IFT122: variants seen among roughly 807,000 people sequenced by gnomAD.
IFT122 encodes intraflagellar transport 122, also known as intraflagellar transport protein 122 homolog.
Under a neutral mutation model 161.6 loss-of-function variants are expected in IFT122, and 118 were observed. The ratio of observed to expected loss-of-function variants is 0.73; its 90% CI spans 0.63 to 0.85. IFT122 has a LOEUF of 0.85. Among genes scored for constraint, IFT122 ranks in the 40% least tolerant of loss-of-function variants. IFT122 has a pLI of 0.00. For synonymous variants in IFT122, 550 were observed against 602.4 expected, an observed-to-expected ratio of 0.91 and a Z score of 1.27; for missense variants, 1,381 against 1,579.6, an observed-to-expected ratio of 0.87 and a Z score of 2.13.
Position 129,467,014 on chromosome 3 carries a change from G to A in IFT122, c.688G>A (p.Ala230Thr), listed in dbSNP as rs201176964. 1.9e-6 allele frequency: 3 copies of A among 1,614,088 alleles called. No homozygotes were observed. Among genetic ancestry groups the A allele is most frequent in the Non-Finnish European group, 2.5e-6 (3 of 1,180,040 alleles). Residue 230 changes from alanine (A) to threonine (T), a missense_variant, in exon 8 of 30, where the codon GCA becomes ACA. Coordinates refer to ENST00000348417, the MANE Select transcript of IFT122 (RefSeq NM_052989.3). ...SAVYSSQGSE[A>T]EEEEPEEEDD... ...AGTGTACAGTAGTCAGGGTAGTGAG[G>A]CAGAGGAGGAAGAACCAGAGGAAGA... is the stretch of plus-strand genomic sequence containing the variant.
At chr3:129,512,446 A>G (rs1413976129) in intron 24 of IFT122, 34 bp downstream of exon 24, 1 of 1,425,556 alleles carries the variant, frequency 7.0e-7, no homozygotes, top group Non-Finnish European at 9.9e-7. Context: ...CCGTCCCACC[A>G]CCGTTCTTGT....
intron 16 of IFT122, among the ~76,000 whole-genome samples, chr3:129,488,866 CTCTGAT>C: frequency 6.6e-6 from 1 of 152,018 alleles, no homozygotes; most frequent in Non-Finnish European, 1.5e-5. Flanking sequence ...TGGTCAAGGT[CTCTGAT>C]TCTGACAGCA....
chr3:129,470,845 C>T (rs1311283818), intron 9 of IFT122, among the ~76,000 whole-genome samples: 5 of 152,192 alleles, frequency 3.3e-5, no homozygotes, highest in African/African-American at 9.6e-5. Flanking sequence ...GCTGGGATTA[C>T]AGGCATGAGC....
intron 6 of IFT122, 55 bp from the exon 7 acceptor site, chr3:129,464,580 A>C: frequency 6.2e-7 from 1 of 1,611,136 alleles, no homozygotes; most frequent in Non-Finnish European, 8.5e-7. Flanking sequence ...CACTAGTTTT[A>C]CCTTCTGTGG....
Position 129,464,733 on chromosome 3 carries a change from C to G in IFT122, c.515C>G (p.Pro172Arg). ...GAGGAGAAAGTAAAGATCGAGCGGC[C>G]GGGGGGCTCCCTCTCGCCAATATGG... ...NGEEKVKIERPGGSLSPIWSI... is the reference protein window; with the variant it reads ...NGEEKVKIERRGGSLSPIWSI... Residue 172 changes from proline (P) to arginine (R), a missense_variant, in exon 7 of 30, where the codon CCG becomes CGG. Physicochemically the swap from Pro to Arg is moderately radical, Grantham distance 103. Transcript: ENST00000348417. The G allele has an allele frequency of 6.2e-7, 1 of 1,613,986 alleles. No individual in the cohort carries two copies. The highest frequency in any genetic ancestry group is 1.1e-5 in the South Asian group (1 of 91,074).
At chr3:129,456,395 T>C in intron 3 of IFT122, 2 of 662,588 alleles carry the variant, frequency 3.0e-6, no homozygotes, top group Non-Finnish European at 4.3e-6. Flanking sequence ...TCTCAGCACT[T>C]TGGGAAGCCA....
intron 10 of IFT122, 25 bp downstream of exon 10, chr3:129,476,531 G>A (rs750099570): frequency 6.2e-7 from 1 of 1,613,992 alleles, no homozygotes; most frequent in South Asian, 1.1e-5. Flanking sequence ...TTTGTTCTGT[G>A]GGGCCATGGC....
At chr3:129,517,095 C>T (rs957341450) in intron 26 of IFT122, among the ~76,000 whole-genome samples, 18 of 143,078 alleles carry the variant, frequency 1.3e-4, no homozygotes, top group Non-Finnish European at 2.4e-4. Flanking sequence ...GAGACTGCCC[C>T]TGCACACAGA....
At chr3:129,492,596 T>C (rs1302958597) in intron 17 of IFT122, among the ~76,000 whole-genome samples, 3 of 152,080 alleles carry the variant, frequency 2.0e-5, no homozygotes, top group African/African-American at 7.2e-5. Context: ...GTTTCCCAAA[T>C]GCACATGAGC....
chr3:129,460,788 G>A (rs968038013), intron 4 of IFT122: 3 of 1,315,434 alleles, frequency 2.3e-6, no homozygotes, highest in Admixed American at 1.7e-5. Flanking sequence ...AACGGGTTGA[G>A]ACGCCTTGCA....
At chr3:129,514,339 G>A in intron 24 of IFT122, 50 bp from the exon 25 acceptor site, 1 of 1,603,418 alleles carries the variant, frequency 6.2e-7, no homozygotes. Flanking sequence ...GGCAGTGCCA[G>A]CTCCTGGGCC....
Position 129,483,635 on chromosome 3 carries a change from A to G in IFT122, c.1804A>G (p.Ile602Val), listed in dbSNP as rs2078928583. 1 of 1,612,432 alleles carries G rather than the reference A, an allele frequency of 6.2e-7. No homozygotes were observed. Among genetic ancestry groups the G allele is most frequent in the African/African-American group, 1.3e-5 (1 of 74,946 alleles). The change falls in exon 15 of 30, where the codon ATC (isoleucine) becomes GTC (valine). Residue 602 changes from isoleucine to valine, a missense_variant. Physicochemically the swap from Ile to Val is conservative, Grantham distance 29 (BLOSUM62 3). Transcript: ENST00000348417. ...TGTGGTCGGCTACAATGGCTCCAAGATCTTCTGCCTCCATGTCTTCTCCAT... is the reference window on the plus strand; with the variant it reads ...TGTGGTCGGCTACAATGGCTCCAAGGTCTTCTGCCTCCATGTCTTCTCCAT... ...GFVVGYNGSK[I>V]FCLHVFSISA...
intron 19 of IFT122, among the ~76,000 whole-genome samples, chr3:129,502,452 T>G (rs1345715396): frequency 6.6e-6 from 1 of 152,222 alleles, no homozygotes; most frequent in African/African-American, 2.4e-5. Context: ...GAGATAATTG[T>G]TTCTATACCC....
chr3:129,478,335 C>T (rs1179268929), intron 12 of IFT122, 117 bp downstream of exon 12: 1 of 826,574 alleles, frequency 1.2e-6, no homozygotes, highest in Non-Finnish European at 2.0e-6. Context: ...TCTGTTCCAT[C>T]AAACTAAGTG....
Position 129,481,514 on chromosome 3 carries a change from G to C in IFT122, c.1489-16G>C. ...TGCCATGGTGACTGACACTGTTTTCGCTGAAATTTTGCCAGATCCTGAAGA... is the reference window on the plus strand; with the variant it reads ...TGCCATGGTGACTGACACTGTTTTCCCTGAAATTTTGCCAGATCCTGAAGA... On this transcript the variant is annotated splice_polypyrimidine_tract_variant and intron_variant, in intron 13 of 29. Coordinates refer to ENST00000348417, the MANE Select transcript of IFT122 (RefSeq NM_052989.3). 6.6e-7 allele frequency: 1 copy of C among 1,514,184 alleles called. No individual in the cohort carries two copies. 93.8% of individuals were successfully genotyped at this position (1,514,184 alleles called of 1,614,324 possible).
chr3:129,458,721 G>T, intron 4 of IFT122, 44 bp downstream of exon 4: 1 of 1,382,426 alleles, frequency 7.2e-7, no homozygotes, highest in South Asian at 1.2e-5. Context: ...GATGCTTATT[G>T]AATAATTGCA....
In IFT122 at chr3:129,458,655, C is replaced by G; in HGVS notation, c.250C>G (p.Leu84Val). The G allele has an allele frequency of 6.2e-7, 1 of 1,613,614 alleles. No individual in the cohort carries two copies. The highest frequency in any genetic ancestry group is 8.5e-7 in the Non-Finnish European group (1 of 1,179,528). Reference sequence around the variant, plus strand: ...AAGCGTTATTATCTGGACATCAAAACTGGAAGGCATTCTGAAGTACACGTA... The same window carrying G: ...AAGCGTTATTATCTGGACATCAAAAGTGGAAGGCATTCTGAAGTACACGTA... ...DKSVIIWTSKLEGILKYTHND... is the reference protein window; with the variant it reads ...DKSVIIWTSKVEGILKYTHND... The change falls in exon 4 of 30, where the codon CTG (leucine) becomes GTG (valine). Residue 84 changes from leucine (L) to valine (V), a missense_variant. Leu to Val is a conservative substitution (Grantham distance 32, BLOSUM62 1). Coordinates refer to ENST00000348417, the MANE Select transcript of IFT122 (RefSeq NM_052989.3).
At chr3:129,515,402 A>G (rs939677158) in intron 25 of IFT122, 86 bp from the exon 26 acceptor site, 1 of 1,129,846 alleles carries the variant, frequency 8.9e-7, no homozygotes, top group African/African-American at 1.7e-5. Context: ...CTTGGCAGCC[A>G]GGCCCCAGGG....
At chr3:129,448,538 A>C (rs963347431) in intron 1 of IFT122, among the ~76,000 whole-genome samples, 34 of 152,096 alleles carry the variant, frequency 2.2e-4, no homozygotes, top group Non-Finnish European at 3.4e-4. Flanking sequence ...GGCCAGCGCC[A>C]TGTTGCCCGT....
Sources: gnomAD v4.1 joint callset for allele counts (sites outside exome capture counted in the v4.1 genomes callset) on GRCh38, gnomAD v4.1.1 for gene constraint, MANE v1.5 for transcripts, NCBI Gene and HGNC (gene_info 2026-07-23, HGNC 2026-07-21) for gene names.